Variants in NKD1 observed in about 807,000 individuals in gnomAD.
NKD1 encodes the protein protein naked cuticle homolog 1.
Under a neutral mutation model 56.0 loss-of-function variants are expected in NKD1, and 21 were observed. The ratio of observed to expected loss-of-function variants is 0.38; its 90% CI spans 0.27 to 0.54. The LOEUF is 0.54. Among genes scored for constraint, NKD1 ranks in the 20% least tolerant of loss-of-function variants. The probability of loss-of-function intolerance (pLI) is 0.82; values close to 1 mark genes in which losing one functional copy is unlikely to be tolerated. For missense variants in NKD1, 578 were observed against 642.7 expected (o/e 0.90, Z 1.09); for synonymous variants, 263 against 265.7 (o/e 0.99, Z 0.10).
intron 7 of NKD1, 45 bp downstream of exon 7, chr16:50,630,378 T>C: frequency 6.2e-7 from 1 of 1,605,942 alleles, no homozygotes; most frequent in Non-Finnish European, 8.5e-7. Context: ...TCCTCCCATC[T>C]CAGGAAGGAA....
chr16:50,554,842 ACTC>A (rs1960467790), intron 3 of NKD1, among the ~76,000 whole-genome samples: 2 of 150,888 alleles, frequency 1.3e-5, no homozygotes, highest in Admixed American at 6.6e-5. Flanking sequence ...GCTGGATTGA[ACTC>A]CTGGCCTCAA....
intron 4 of NKD1, among the ~76,000 whole-genome samples, chr16:50,618,404 C>T (rs11862424): frequency 0.058 from 8,765 of 152,254 alleles, 539 homozygotes; most frequent in African/African-American, 0.15. Context: ...TGGCCTGCAG[C>T]GAGCACCAGT....
At chr16:50,548,620 C>G (rs1401278394) in intron 1 of NKD1, 42 bp downstream of exon 1, 22 of 1,445,564 alleles carry the variant, frequency 1.5e-5, no homozygotes, top group Non-Finnish European at 1.7e-5. Flanking sequence ...GCCCCGCCGC[C>G]GTCGCCGCCG....
chr16:50,589,596 C>T (rs1234452623), intron 3 of NKD1, among the ~76,000 whole-genome samples: 1 of 152,184 alleles, frequency 6.6e-6, no homozygotes, highest in African/African-American at 2.4e-5. Context: ...TTCATCCCTC[C>T]AGAGGTGGTG....
chr16:50,606,791 T>C, intron 3 of NKD1: 1 of 456,680 alleles, frequency 2.2e-6, no homozygotes, highest in South Asian at 1.5e-5. Context: ...TTGAAGACTG[T>C]TGCCTGTTCC....
intron 3 of NKD1, among the ~76,000 whole-genome samples, chr16:50,580,451 C>T (rs540216509): frequency 4.6e-5 from 7 of 152,352 alleles, no homozygotes; most frequent in South Asian, 2.1e-4. Flanking sequence ...GCAGTACACA[C>T]GCTCAGTGAA....
At chr16:50,601,640 G>C (rs937971234) in intron 3 of NKD1, among the ~76,000 whole-genome samples, 3 of 152,206 alleles carry the variant, frequency 2.0e-5, no homozygotes, top group African/African-American at 7.2e-5. Flanking sequence ...AGAAGAGCTC[G>C]TCCCCGTCAG....
chr16:50,615,367 T>C (rs977649289), intron 4 of NKD1, among the ~76,000 whole-genome samples: 8 of 152,166 alleles, frequency 5.3e-5, no homozygotes, highest in Admixed American at 5.2e-4. Flanking sequence ...GTATAGATAT[T>C]GGGCTGATGG....
chr16:50,635,666 T>G lies in NKD1; in HGVS notation c.*1885T>G, dbSNP rs1962450869. 1 of 152,240 alleles carries G rather than the reference T, an allele frequency of 6.6e-6. No homozygotes were observed. The highest frequency in any genetic ancestry group is 6.5e-5 in the Admixed American group (1 of 15,290). The allele number at this position is 152,240 out of a possible 1,614,324, so 9.4% of individuals were successfully genotyped here. On this transcript the variant is annotated 3_prime_UTR_variant, in exon 10 of 10. Coordinates refer to ENST00000268459, the MANE Select transcript of NKD1 (RefSeq NM_033119.5). This position sits in a 1 kb window ranked among gnomAD's most constrained non-coding sequence, Gnocchi z 4.1. ...CTTAGGACAGCCCCATGAGGCAGCT[T>G]GGTGGCAGCTCAGGAAGCATGTCTA...
In NKD1 at chr16:50,636,092, C is replaced by T. The variant is rs1308441691; in HGVS notation, c.*2311C>T. ...AAGCCCAAGGCAGGATTCTGCTTGG[C>T]TGGGCTTCGATCTGGTACCCATAGC... On this transcript the variant is annotated 3_prime_UTR_variant, in exon 10 of 10. Transcript: ENST00000268459. The T allele has an allele frequency of 6.6e-6, 1 of 152,244 alleles. No individual in the cohort carries two copies. The highest frequency in any genetic ancestry group is 2.4e-5 in the African/African-American group (1 of 41,436). 9.4% of individuals were successfully genotyped at this position (152,244 alleles called of 1,614,324 possible).
At chr16:50,569,948 G>A (rs1045497325) in intron 3 of NKD1, among the ~76,000 whole-genome samples, 1 of 152,126 alleles carries the variant, frequency 6.6e-6, no homozygotes, top group Non-Finnish European at 1.5e-5. Flanking sequence ...GGAGCCGGGC[G>A]GGCACTGCCT....
chr16:50,608,063 G>A, intron 3 of NKD1: 1 of 536,528 alleles, frequency 1.9e-6, no homozygotes, highest in Non-Finnish European at 3.4e-6. Flanking sequence ...AAGACCCAGT[G>A]GAGCCATAGC....
intron 3 of NKD1, among the ~76,000 whole-genome samples, chr16:50,567,417 C>G (rs1960785681): frequency 6.6e-6 from 1 of 152,194 alleles, no homozygotes; most frequent in Non-Finnish European, 1.5e-5. Flanking sequence ...GAGGGGACAT[C>G]ACATTTGATT....
At chr16:50,561,168 G>T (rs1960624008) in intron 3 of NKD1, among the ~76,000 whole-genome samples, 1 of 152,072 alleles carries the variant, frequency 6.6e-6, no homozygotes, top group Non-Finnish European at 1.5e-5. Context: ...TGGAGGGGGG[G>T]CCCATGGCTT....
intron 3 of NKD1, 152 bp downstream of exon 3, chr16:50,549,707 C>G: frequency 2.4e-6 from 2 of 820,916 alleles, no homozygotes; most frequent in South Asian, 4.0e-5. Flanking sequence ...ACCAACGCGA[C>G]CCTCTGCCCG....
chr16:50,631,046 A>G, intron 8 of NKD1, 136 bp downstream of exon 8: 1 of 586,684 alleles, frequency 1.7e-6, no homozygotes, highest in South Asian at 2.2e-5. Flanking sequence ...CAGACTCATA[A>G]ATCAAATGAA....
intron 3 of NKD1, among the ~76,000 whole-genome samples, chr16:50,566,424 ACCCAGGCGGAGCT>A (rs1047243031): frequency 1.3e-5 from 2 of 152,136 alleles, no homozygotes; most frequent in African/African-American, 4.8e-5. Flanking sequence ...TCCAGCAAAA[ACCCAGGCGGAGCT>A]CCCATTGTTT....
At chr16:50,628,445 G>T (rs1258596091) in intron 6 of NKD1, among the ~76,000 whole-genome samples, 1 of 152,316 alleles carries the variant, frequency 6.6e-6, no homozygotes, top group East Asian at 1.9e-4. Context: ...GGATTGCTGG[G>T]CAGGTAACTG....
chr16:50,587,150 C>A (rs902790437), intron 3 of NKD1, among the ~76,000 whole-genome samples: 1 of 152,180 alleles, frequency 6.6e-6, no homozygotes, highest in African/African-American at 2.4e-5. Context: ...AGTCATCTTT[C>A]TGGTCATCCC....
Sources: gnomAD v4.1 joint callset for allele counts (sites outside exome capture counted in the v4.1 genomes callset) on GRCh38, gnomAD v4.1.1 for gene constraint, Gnocchi (gnomAD v3.1) non-coding constraint, MANE v1.5 for transcripts, NCBI Gene and HGNC (gene_info 2026-07-23, HGNC 2026-07-21) for gene names.